DCUN1D4: variants seen among roughly 807,000 people sequenced by gnomAD.
DCUN1D4 encodes the protein defective in cullin neddylation 1 domain containing 4.
A neutral mutation model predicts 47.9 loss-of-function variants in DCUN1D4; 22 were observed. The ratio of observed to expected loss-of-function variants is 0.46; its 90% CI spans 0.33 to 0.66. The LOEUF (loss-of-function observed/expected upper bound fraction) is 0.66. Ranked by LOEUF, DCUN1D4 falls within the 30% of genes least tolerant of loss-of-function variation. The pLI, the probability that DCUN1D4 is intolerant of heterozygous loss-of-function variation, is 0.02. For synonymous variants in DCUN1D4, 121 were observed against 112.2 expected, an observed-to-expected ratio of 1.08 and a Z score of -0.50; for missense variants, 301 against 340.8, an observed-to-expected ratio of 0.88 and a Z score of 0.92.
At chr4:51,868,236 C>T (rs1444992703) in intron 3 of DCUN1D4, among the ~76,000 whole-genome samples, 1 of 152,190 alleles carries the variant, frequency 6.6e-6, no homozygotes, top group African/African-American at 2.4e-5. Context: ...TGGGCGGCTG[C>T]AGCTGTTCCT....
chr4:51,910,918 C>A, intron 8 of DCUN1D4, 152 bp from the exon 9 acceptor site: 1 of 671,932 alleles, frequency 1.5e-6, no homozygotes, highest in East Asian at 2.8e-5. Flanking sequence ...GACTACCTCC[C>A]CTCCCTAACC....
At chr4:51,841,079 CTT>C (rs899327156), upstream of DCUN1D4, among the ~76,000 whole-genome samples, 10 of 152,264 alleles carry the variant, frequency 6.6e-5, no homozygotes, top group African/African-American at 1.9e-4. Flanking sequence ...TAGCTTAACT[CTT>C]ATACACATTA....
intron 3 of DCUN1D4, 57 bp from the exon 4 acceptor site, chr4:51,874,214 G>A: frequency 8.7e-7 from 1 of 1,152,338 alleles, no homozygotes; most frequent in Non-Finnish European, 1.3e-6. Flanking sequence ...TTCTTTGGAA[G>A]TACAGAGTTA....
intron 7 of DCUN1D4, among the ~76,000 whole-genome samples, chr4:51,894,870 T>A (rs1304876188): frequency 6.6e-6 from 1 of 152,152 alleles, no homozygotes; most frequent in Non-Finnish European, 1.5e-5. Flanking sequence ...TTAGACTGGG[T>A]GGCTTATAAA....
chr4:51,842,012 G>A (rs977810727), upstream of DCUN1D4, among the ~76,000 whole-genome samples: 3 of 151,464 alleles, frequency 2.0e-5, no homozygotes, highest in Non-Finnish European at 4.4e-5. Flanking sequence ...GGAATCCTCC[G>A]TTAATATCTC....
chr4:51,877,903 A>T (rs747197361), intron 5 of DCUN1D4, 49 bp downstream of exon 5: 5 of 1,275,072 alleles, frequency 3.9e-6, no homozygotes, highest in South Asian at 1.3e-5. Context: ...GACAATAAGG[A>T]GTACCTTAGA....
At chr4:51,849,891 T>A (rs1723120736) in intron 1 of DCUN1D4, among the ~76,000 whole-genome samples, 1 of 152,034 alleles carries the variant, frequency 6.6e-6, no homozygotes, top group Non-Finnish European at 1.5e-5. Flanking sequence ...TTTATTTTGT[T>A]TAGCCAAAAA....
chr4:51,897,470 A>G lies in DCUN1D4; in HGVS notation c.507-1800A>G, dbSNP rs563371466. ...TGTACTTAGTAGGTTAAAGATCTAT[A>G]GAGAAAATACGTATTCAGTGTTGAA... On this transcript the variant is annotated intron_variant, in intron 7 of 10. Transcript: ENST00000334635. Among the ~76,000 whole-genome samples the G allele has an allele frequency of 3.3e-5, 5 of 152,370 alleles. No individual in the cohort carries two copies. In the East Asian group the frequency reaches 9.6e-4, roughly 29 times the overall value.
intron 6 of DCUN1D4, chr4:51,886,912 T>C (rs947626613): frequency 6.8e-6 from 3 of 438,688 alleles, no homozygotes; most frequent in African/African-American, 2.0e-5. Context: ...TGTGGCCACA[T>C]GTGCCTACAA....
At chr4:51,855,728 A>G (rs1724033230) in intron 1 of DCUN1D4, among the ~76,000 whole-genome samples, 1 of 152,244 alleles carries the variant, frequency 6.6e-6, no homozygotes, top group African/African-American at 2.4e-5. Context: ...TTTATGCTGC[A>G]ATAGCAAATA....
chr4:51,869,476 G>A (rs1420387981), intron 3 of DCUN1D4, among the ~76,000 whole-genome samples: 2 of 152,158 alleles, frequency 1.3e-5, no homozygotes, highest in East Asian at 3.9e-4. Context: ...TCACTAAAAT[G>A]AAACATGAGA....
intron 7 of DCUN1D4, among the ~76,000 whole-genome samples, chr4:51,892,314 C>T (rs1490105440): frequency 6.6e-6 from 1 of 152,076 alleles, no homozygotes; most frequent in Non-Finnish European, 1.5e-5. Context: ...CATGGTTAGT[C>T]TTCAAAATCT....
upstream of DCUN1D4, among the ~76,000 whole-genome samples, chr4:51,838,424 A>G (rs1721550914): frequency 6.6e-6 from 1 of 152,056 alleles, no homozygotes; most frequent in Non-Finnish European, 1.5e-5. Context: ...TTCTGTCACC[A>G]AGGCTGGAGT....
rs932835736 is a variant in DCUN1D4 at position 51,916,448 on chromosome 4, C to T, written c.*2864C>T. Reference sequence around the variant, plus strand: ...AAAGCTTTAAAAGTTAGTTTGTGCCCTTGGTTTTTATTCTTAAAACTGCTA... The same window carrying T: ...AAAGCTTTAAAAGTTAGTTTGTGCCTTTGGTTTTTATTCTTAAAACTGCTA... On this transcript the variant is annotated 3_prime_UTR_variant, in exon 11 of 11. Transcript: ENST00000334635. The T allele has an allele frequency of 6.6e-6, 1 of 152,500 alleles. No individual in the cohort carries two copies. The highest frequency in any genetic ancestry group is 2.4e-5 in the African/African-American group (1 of 41,426). 9.4% of individuals were successfully genotyped at this position (152,500 alleles called of 1,614,324 possible).
chr4:51,862,988 G>T (rs1725308190), intron 1 of DCUN1D4, among the ~76,000 whole-genome samples: 1 of 152,144 alleles, frequency 6.6e-6, no homozygotes, highest in African/African-American at 2.4e-5. Flanking sequence ...TTCAGCCTGG[G>T]CAACGTAGTG....
At chr4:51,867,086 G>A (rs1264492017) in intron 3 of DCUN1D4, among the ~76,000 whole-genome samples, 2 of 152,254 alleles carry the variant, frequency 1.3e-5, no homozygotes, top group African/African-American at 4.8e-5. Context: ...GCTGCAGTGG[G>A]GCAAGTAGCT....
chr4:51,902,547 A>G (rs913788941), intron 8 of DCUN1D4, among the ~76,000 whole-genome samples: 11 of 152,328 alleles, frequency 7.2e-5, no homozygotes, highest in Middle Eastern at 3.4e-3. Flanking sequence ...TTCGTCCAAT[A>G]CAAATGTATT....
intron 4 of DCUN1D4, among the ~76,000 whole-genome samples, chr4:51,877,161 T>C (rs1727839913): frequency 6.6e-6 from 1 of 152,188 alleles, no homozygotes; most frequent in Non-Finnish European, 1.5e-5. Flanking sequence ...GAAGCTAGTT[T>C]CTCTATACTT....
intron 8 of DCUN1D4, among the ~76,000 whole-genome samples, chr4:51,904,488 T>G (rs1278538634): frequency 6.6e-6 from 1 of 152,198 alleles, no homozygotes; most frequent in East Asian, 1.9e-4. Context: ...TAAATTATAG[T>G]TATCTTTGCC....
Sources: gnomAD v4.1 joint callset for allele counts (sites outside exome capture counted in the v4.1 genomes callset) on GRCh38, gnomAD v4.1.1 for gene constraint, MANE v1.5 for transcripts, NCBI Gene and HGNC (gene_info 2026-07-23, HGNC 2026-07-21) for gene names.